The following BLVRA variants were observed in gnomAD, a reference collection of about 807,000 sequenced individuals.
BLVRA encodes the protein BVR A.
BLVRA carries 22 observed loss-of-function variants against 32.8 expected under a neutral mutation model. The observed-to-expected ratio is 0.67, with a 90% CI of 0.48 to 0.96. BLVRA has a LOEUF of 0.96. BLVRA is among the 40% of genes least tolerant of loss of function. The probability of loss-of-function intolerance (pLI) is 0.00; values close to 1 mark genes in which losing one functional copy is unlikely to be tolerated. For synonymous variants in BLVRA, 119 were observed against 141.3 expected (o/e 0.84, Z 1.12); for missense variants, 323 against 358.1 (o/e 0.90, Z 0.79).
chr7:43,794,500 C>T (rs1242584892), intron 5 of BLVRA, among the ~76,000 whole-genome samples: 1 of 151,944 alleles, frequency 6.6e-6, no homozygotes, highest in African/African-American at 2.4e-5. Flanking sequence ...TTGGGGAGGC[C>T]GAGGCAAGCA....
Position 43,807,233 on chromosome 7 carries a change from TAAG to T in BLVRA, c.891_*2del. 1 of 1,604,184 alleles carries T rather than the reference TAAG, an allele frequency of 6.2e-7. No homozygotes were observed. The highest frequency in any genetic ancestry group is 1.1e-5 in the South Asian group (1 of 91,072). On this transcript the variant is annotated stop_retained_variant and 3_prime_UTR_variant, in exon 8 of 8. Transcript: ENST00000265523. ...CCAGAAATATTGCTGTTCAAGGAAG[TAAG>T]AGGAGGAGGTGATGTAGCACTTCCA...
intron 5 of BLVRA, among the ~76,000 whole-genome samples, chr7:43,798,197 CAA>C (rs56855757): frequency 1.0e-3 from 45 of 45,192 alleles, no homozygotes; most frequent in Admixed American, 3.2e-3. Flanking sequence ...CCCCATCTCA[CAA>C]AAAAAAAAAA....
intron 5 of BLVRA, among the ~76,000 whole-genome samples, chr7:43,798,320 C>T (rs2095795097): frequency 6.7e-6 from 1 of 149,194 alleles, no homozygotes; most frequent in Non-Finnish European, 1.5e-5. Flanking sequence ...TAGGTGGTGT[C>T]TGACGGGCTT....
chr7:43,796,578 T>G lies in BLVRA; in HGVS notation c.352+3766T>G, dbSNP rs1455289387. On this transcript the variant is annotated intron_variant, in intron 5 of 7. Coordinates refer to ENST00000265523, the MANE Select transcript of BLVRA (RefSeq NM_000712.4). ...CACTCAAATGGATTAAAGAACTAAA[T>G]TTAAGACCTAAAACTGTAATATTGT... is the stretch of plus-strand genomic sequence containing the variant. 2.6e-5 allele frequency among the ~76,000 whole-genome samples: 4 copies of G among 152,126 alleles called. No homozygotes were observed. In the East Asian group the frequency reaches 7.7e-4, roughly 29 times the overall value.
rs1273382153 is a variant in BLVRA, at chr7:43,803,911, G to T, written c.632+64G>T. The T allele has an allele frequency of 1.2e-5, 19 of 1,591,334 alleles. 1 individual carries two copies. The Admixed American group carries it at 2.5e-4, about 21-fold the overall frequency. ...GACATCCTAGTACATTTGCAGGTAT[G>T]ATCCAAAGGGAGCCCCGAGGGGCTA... On this transcript the variant is annotated intron_variant, in intron 7 of 7. Transcript: ENST00000265523.
At chr7:43,789,253 T>A (rs1052443008) in intron 3 of BLVRA, among the ~76,000 whole-genome samples, 1 of 152,202 alleles carries the variant, frequency 6.6e-6, no homozygotes, top group African/African-American at 2.4e-5. Context: ...AGACATCAGA[T>A]AAATATTTAC....
rs2095804872 is a variant in BLVRA at position 43,807,190 on chromosome 7, G to A, written c.846G>A (p.Leu282=). Residue 282 remains leucine (L), a synonymous_variant, in exon 8 of 8, where the codon CTG becomes CTA. Coordinates refer to ENST00000265523, the MANE Select transcript of BLVRA (RefSeq NM_000712.4). ...AAEKKRILHC[L]GLAEEIQKYC... ...AAAAGAAACGCATCCTGCACTGCCT[G>A]GGGCTTGCAGAAGAAATCCAGAAAT... 6.2e-7 allele frequency: 1 copy of A among 1,611,608 alleles called. No individual in the cohort carries two copies. Among genetic ancestry groups the A allele is most frequent in the African/African-American group, 1.3e-5 (1 of 74,914 alleles).
intron 1 of BLVRA, 34 bp from the exon 2 acceptor site, chr7:43,771,104 C>A: frequency 6.2e-7 from 1 of 1,609,258 alleles, no homozygotes; most frequent in Non-Finnish European, 8.5e-7. Context: ...GCAGGTGCCA[C>A]CAGGGACCTG....
At chr7:43,803,529 T>TTGCC (rs2095800954) in intron 6 of BLVRA, 147 bp from the exon 7 acceptor site, 1 of 847,000 alleles carries the variant, frequency 1.2e-6, no homozygotes, top group Non-Finnish European at 2.0e-6. Context: ...ATTAATCACG[T>TTGCC]TGCCTGCCTA....
rs181872564 is a variant in BLVRA, at chr7:43,777,782, A to G, written c.12+6612A>G. Among the ~76,000 whole-genome samples, 1,243 of 152,318 alleles carry G rather than the reference A, an allele frequency of 8.2e-3. 6 individuals are homozygous for G. Among genetic ancestry groups the G allele is most frequent in the Non-Finnish European group, 0.012 (838 of 68,038 alleles). On this transcript the variant is annotated intron_variant, in intron 2 of 7. Transcript: ENST00000265523. ...CTCCCCGTCACTTTCAGGTACACCA[A>G]TCAGACGTAGATTTGGTCTTTTCAC...
chr7:43,760,292 A>C (rs548375690), intron 1 of BLVRA, among the ~76,000 whole-genome samples: 1 of 151,448 alleles, frequency 6.6e-6, no homozygotes, highest in African/African-American at 2.4e-5. Context: ...CTTTGTTATA[A>C]TTGTATTTAG....
At chr7:43,776,011 T>C (rs1334408102) in intron 2 of BLVRA, among the ~76,000 whole-genome samples, 2 of 152,326 alleles carry the variant, frequency 1.3e-5, no homozygotes, top group African/African-American at 4.8e-5. Context: ...TTTTATTGCG[T>C]CTATTTGATT....
chr7:43,783,609 T>G (rs960974638), intron 2 of BLVRA, among the ~76,000 whole-genome samples: 1 of 152,226 alleles, frequency 6.6e-6, no homozygotes, highest in Admixed American at 6.5e-5. Flanking sequence ...AAGGCTGCAG[T>G]AAGCCTAAGT....
chr7:43,803,564 A>C, intron 6 of BLVRA, 112 bp from the exon 7 acceptor site: 1 of 1,209,856 alleles, frequency 8.3e-7, no homozygotes, highest in Non-Finnish European at 1.2e-6. Flanking sequence ...GTCCCATTGT[A>C]CTGATCACTC....
chr7:43,803,575 G>C, intron 6 of BLVRA, 101 bp from the exon 7 acceptor site: 1 of 1,338,868 alleles, frequency 7.5e-7, no homozygotes, highest in Non-Finnish European at 1.1e-6. Flanking sequence ...CTGATCACTC[G>C]GCCACATCTT....
intron 2 of BLVRA, among the ~76,000 whole-genome samples, chr7:43,784,449 G>T (rs1487436693): frequency 1.3e-5 from 2 of 152,092 alleles, no homozygotes; most frequent in African/African-American, 4.8e-5. Context: ...TCTCTGATTT[G>T]CAGTTTCCCT....
At chr7:43,774,320 G>A (rs1323484472) in intron 2 of BLVRA, among the ~76,000 whole-genome samples, 1 of 152,130 alleles carries the variant, frequency 6.6e-6, no homozygotes, top group Non-Finnish European at 1.5e-5. Flanking sequence ...TTTGTATAAG[G>A]TGTAAGGAAG....
chr7:43,766,077 G>A (rs1324590596), intron 1 of BLVRA, among the ~76,000 whole-genome samples: 1 of 152,090 alleles, frequency 6.6e-6, no homozygotes, highest in African/African-American at 2.4e-5. Flanking sequence ...CACCTGAGGT[G>A]AGGAGTTCCA....
intron 2 of BLVRA, among the ~76,000 whole-genome samples, chr7:43,776,404 G>C (rs887151188): frequency 6.6e-6 from 1 of 152,200 alleles, no homozygotes; most frequent in African/African-American, 2.4e-5. Flanking sequence ...TATGTACCCA[G>C]TAGTCATTCA....
Sources: gnomAD v4.1 joint callset for allele counts (sites outside exome capture counted in the v4.1 genomes callset) on GRCh38, gnomAD v4.1.1 for gene constraint, MANE v1.5 for transcripts, NCBI Gene and HGNC (gene_info 2026-07-23, HGNC 2026-07-21) for gene names.